The following TLL2 variants were observed in gnomAD, a reference collection of about 807,000 sequenced individuals.
TLL2 encodes the protein tolloid like 2, also known as tolloid-like protein 2.
A neutral mutation model predicts 123.0 loss-of-function variants in TLL2; 106 were observed. That is an observed-to-expected ratio of 0.86 (90% CI 0.74 to 1.01). The LOEUF is 1.01. Ranked by LOEUF, TLL2 falls within the 50% of genes least tolerant of loss-of-function variation. The pLI is 0.00. For synonymous variants in TLL2, 494 were observed against 516.8 expected (o/e 0.96, Z 0.60); for missense variants, 1,332 against 1,336.7 (o/e 1.00, Z 0.06).
intron 10 of TLL2, among the ~76,000 whole-genome samples, chr10:96,401,179 T>C (rs1846389368): frequency 6.6e-6 from 1 of 152,184 alleles, no homozygotes; most frequent in African/African-American, 2.4e-5. Context: ...AAAGGGTTCA[T>C]TCATAAAAAG....
rs201081776 is a variant in TLL2, at chr10:96,422,639, C to G, written c.727G>C (p.Glu243Gln). ...CAAAACCCAACCACATGGCCCAGCT[C>G]GTGAGCCACAATGCCAAACTTGTCA... is the stretch of plus-strand genomic sequence containing the variant. Reference protein sequence around the residue: ...NCDKFGIVAHELGHVVGFWHE... With the variant: ...NCDKFGIVAHQLGHVVGFWHE... The change falls in exon 6 of 21, where the codon GAG becomes CAG. Residue 243 changes from glutamate to glutamine, a missense_variant. By Grantham distance (29) the Glu-to-Gln change is conservative. Transcript: ENST00000357947. 3.4e-5 allele frequency: 55 copies of G among 1,614,208 alleles called. No homozygotes were observed. The highest frequency in any genetic ancestry group is 2.0e-4 in the Admixed American group (12 of 60,024).
chr10:96,405,897 C>G (rs1039992998), intron 9 of TLL2, among the ~76,000 whole-genome samples: 1 of 152,180 alleles, frequency 6.6e-6, no homozygotes, highest in Non-Finnish European at 1.5e-5. Context: ...TCAGCCTGTG[C>G]TGGCCAATTG....
At chr10:96,502,699 C>A (rs116535787) in intron 1 of TLL2, among the ~76,000 whole-genome samples, 1 of 138,014 alleles carries the variant, frequency 7.2e-6, no homozygotes, top group Non-Finnish European at 1.6e-5. Flanking sequence ...GGCGACCCTG[C>A]GACCTGAAAA....
At chr10:96,369,589 C>T (rs1244838913) in intron 20 of TLL2, among the ~76,000 whole-genome samples, 1 of 151,654 alleles carries the variant, frequency 6.6e-6, no homozygotes, top group Non-Finnish European at 1.5e-5. Flanking sequence ...GGTGAAACCC[C>T]GTCTCTACTG....
intron 3 of TLL2, among the ~76,000 whole-genome samples, chr10:96,434,266 GT>G (rs1260762532): frequency 6.6e-6 from 1 of 151,998 alleles, no homozygotes; most frequent in Non-Finnish European, 1.5e-5. Flanking sequence ...TTTTCACAAA[GT>G]TGTGAAACCA....
chr10:96,501,716 T>C (rs1417569194), intron 1 of TLL2, among the ~76,000 whole-genome samples: 1 of 152,214 alleles, frequency 6.6e-6, no homozygotes, highest in African/African-American at 2.4e-5. Flanking sequence ...TCCCAGCATC[T>C]GCAAATCCAA....
intron 4 of TLL2, among the ~76,000 whole-genome samples, 159 bp from the exon 5 acceptor site, chr10:96,428,907 C>T (rs1322360249): frequency 1.3e-5 from 2 of 152,030 alleles, no homozygotes; most frequent in Non-Finnish European, 2.9e-5. Flanking sequence ...TGGGTTCAAG[C>T]GATTCTCCTG....
Position 96,376,792 on chromosome 10 carries a change from A to G in TLL2, c.2348T>C (p.Val783Ala). 1.3e-6 allele frequency: 2 copies of G among 1,582,938 alleles called. No individual in the cohort carries two copies. The highest frequency in any genetic ancestry group is 1.7e-6 in the Non-Finnish European group (2 of 1,166,694). Residue 783 changes from valine (V) to alanine (A), a missense_variant, in exon 18 of 21, where the codon GTG (valine) becomes GCG (alanine). Coordinates refer to ENST00000357947, the MANE Select transcript of TLL2 (RefSeq NM_012465.4). Reference sequence around the variant, plus strand: ...GTTGGGGCTCGCCAGGGTCCCCTCCACACTGCTGATCTTGTGTGCACAGCC... The same window carrying G: ...GTTGGGGCTCGCCAGGGTCCCCTCCGCACTGCTGATCTTGTGTGCACAGCC... ...EAGCAHKISS[V>A]EGTLASPNWP... is the part of the protein sequence containing the mutation.
At chr10:96,420,882 G>C (rs1846612850) in intron 7 of TLL2, 74 bp downstream of exon 7, 1 of 1,344,282 alleles carries the variant, frequency 7.4e-7, no homozygotes, top group African/African-American at 1.4e-5. Flanking sequence ...ACTCTCCGCA[G>C]ACCTCCAGGA....
At chr10:96,447,805 G>A (rs900544022) in intron 2 of TLL2, among the ~76,000 whole-genome samples, 9 of 152,168 alleles carry the variant, frequency 5.9e-5, no homozygotes, top group Non-Finnish European at 1.0e-4. Flanking sequence ...CACTTTATGT[G>A]TAATCCCATT....
chr10:96,448,142 C>T (rs999524434), intron 2 of TLL2, among the ~76,000 whole-genome samples: 3 of 152,192 alleles, frequency 2.0e-5, no homozygotes, highest in African/African-American at 4.8e-5. Flanking sequence ...TACAGCCAGG[C>T]GGAGATGGGA....
intron 1 of TLL2, among the ~76,000 whole-genome samples, chr10:96,512,795 C>T (rs576735225): frequency 4.8e-4 from 73 of 152,374 alleles, no homozygotes; most frequent in African/African-American, 1.6e-3. Context: ...GACTCACGAG[C>T]CGATCAGTGG....
intron 2 of TLL2, among the ~76,000 whole-genome samples, chr10:96,478,143 C>T (rs1445062946): frequency 1.3e-5 from 2 of 152,214 alleles, no homozygotes; most frequent in African/African-American, 2.4e-5. Context: ...CTCTAGCAGC[C>T]GGGTATGCAG....
intron 2 of TLL2, among the ~76,000 whole-genome samples, chr10:96,469,312 T>C (rs1202722987): frequency 6.6e-6 from 1 of 152,250 alleles, no homozygotes; most frequent in Admixed American, 6.5e-5. Context: ...GCCATCTTAT[T>C]CTCTCAGGCC....
intron 1 of TLL2, among the ~76,000 whole-genome samples, chr10:96,494,579 A>C (rs1847452039): frequency 6.6e-6 from 1 of 152,252 alleles, no homozygotes. Flanking sequence ...TCAGGGCTAC[A>C]CTAAGGCATG....
At chr10:96,469,547 G>A (rs986224325) in intron 2 of TLL2, among the ~76,000 whole-genome samples, 22 of 152,086 alleles carry the variant, frequency 1.4e-4, no homozygotes, top group African/African-American at 4.3e-4. Context: ...CCAGCCTCCC[G>A]CCTGGGTGAC....
chr10:96,487,112 C>T (rs1847364353), intron 1 of TLL2, among the ~76,000 whole-genome samples: 1 of 152,234 alleles, frequency 6.6e-6, no homozygotes, highest in South Asian at 2.1e-4. Context: ...CACTGAAGAG[C>T]TGTGTGACCT....
At chr10:96,433,574 A>G (rs1260517635) in intron 3 of TLL2, among the ~76,000 whole-genome samples, 1 of 152,150 alleles carries the variant, frequency 6.6e-6, no homozygotes, top group Non-Finnish European at 1.5e-5. Context: ...AGAGGTAGGT[A>G]GGTGGAATAG....
At chr10:96,455,285 A>G (rs1226189191) in intron 2 of TLL2, among the ~76,000 whole-genome samples, 1 of 152,094 alleles carries the variant, frequency 6.6e-6, no homozygotes, top group Admixed American at 6.6e-5. Flanking sequence ...CTAAGAAAGG[A>G]CTCAAGTGAC....
Sources: allele counts gnomAD v4.1 joint callset (sites outside exome capture counted in the v4.1 genomes callset), GRCh38; gene constraint gnomAD v4.1.1; transcripts MANE v1.5; gene names NCBI Gene and HGNC (gene_info 2026-07-23, HGNC 2026-07-21).